The following ZNF521 variants were observed in gnomAD, a reference collection of about 807,000 sequenced individuals.
ZNF521 encodes the protein LYST-interacting protein 3.
ZNF521 carries 14 observed loss-of-function variants against 105.5 expected under a neutral mutation model. That is an observed-to-expected ratio of 0.13 (90% CI 0.09 to 0.21). The LOEUF (loss-of-function observed/expected upper bound fraction) is 0.21. Among genes scored for constraint, ZNF521 ranks in the 10% least tolerant of loss-of-function variants. The probability of loss-of-function intolerance (pLI) is 1.00; values close to 1 mark genes in which losing one functional copy is unlikely to be tolerated. For missense variants in ZNF521, 1,233 were observed against 1,629.7 expected (o/e 0.76, Z 4.19); for synonymous variants, 635 against 606.0 (o/e 1.05, Z -0.70).
At chr18:25,166,356 T>C (rs1397920898) in intron 5 of ZNF521, among the ~76,000 whole-genome samples, 2 of 152,186 alleles carry the variant, frequency 1.3e-5, no homozygotes, top group South Asian at 2.1e-4. Context: ...CTGAGTAAAT[T>C]TGAAATTCAC....
chr18:25,186,429 T>C (rs2035723090), intron 5 of ZNF521, among the ~76,000 whole-genome samples: 1 of 152,168 alleles, frequency 6.6e-6, no homozygotes, highest in African/African-American at 2.4e-5. Context: ...TCCGAGTATC[T>C]AAGCTTTTTC....
rs576965609 is a variant in ZNF521 at position 25,217,198 on chromosome 18, T to A, written c.3573+7147A>T. Among the ~76,000 whole-genome samples the A allele has an allele frequency of 3.6e-4, 55 of 152,298 alleles. 1 individual carries two copies. The highest frequency in any genetic ancestry group is 3.5e-3 in the Admixed American group (54 of 15,294). On this transcript the variant is annotated intron_variant, in intron 4 of 7. Transcript: ENST00000361524. Reference sequence around the variant, plus strand: ...TAATTTACAGGTCTACGCTTCCAACTGCAGCATGAAGAATGGACTGGAAGT... The same window carrying A: ...TAATTTACAGGTCTACGCTTCCAACAGCAGCATGAAGAATGGACTGGAAGT...
chr18:25,140,388 T>C (rs576809504), intron 5 of ZNF521, among the ~76,000 whole-genome samples: 1 of 152,288 alleles, frequency 6.6e-6, no homozygotes, highest in East Asian at 1.9e-4. Context: ...AACTTTTTGA[T>C]TGGGGATGAC....
chr18:25,163,935 A>G (rs8085882), intron 5 of ZNF521, among the ~76,000 whole-genome samples: 73,065 of 151,960 alleles, frequency 0.48, 17,801 homozygotes, highest in South Asian at 0.6. Flanking sequence ...AAGGTCCCAG[A>G]AGGAGTATGT....
At chr18:25,107,739 A>G (rs949063946) in intron 5 of ZNF521, among the ~76,000 whole-genome samples, 3 of 152,168 alleles carry the variant, frequency 2.0e-5, no homozygotes, top group African/African-American at 7.2e-5. Flanking sequence ...CCTAAAACTG[A>G]TCTGCCTGCA....
intron 5 of ZNF521, among the ~76,000 whole-genome samples, chr18:25,147,142 CA>C (rs201704622): frequency 0.012 from 1,778 of 152,090 alleles, 36 homozygotes; most frequent in African/African-American, 0.039. Flanking sequence ...AAGCCAACTG[CA>C]AAGACAATGA....
rs149108331 is a variant in ZNF521, at chr18:25,154,268, G to A, written c.3658+40892C>T. ...TTAAATTAGAAACATGCTGTGGCCCGAAGCTGCTAATCTCTACACCAGTTC... is the reference window on the plus strand; with the variant it reads ...TTAAATTAGAAACATGCTGTGGCCCAAAGCTGCTAATCTCTACACCAGTTC... On this transcript the variant is annotated intron_variant, in intron 5 of 7. Coordinates refer to ENST00000361524, the MANE Select transcript of ZNF521 (RefSeq NM_015461.3). 6.8e-3 allele frequency among the ~76,000 whole-genome samples: 1,039 copies of A among 152,276 alleles called. 13 individuals carry two copies. The highest frequency in any genetic ancestry group is 0.024 in the African/African-American group (980 of 41,550).
intron 4 of ZNF521, among the ~76,000 whole-genome samples, chr18:25,204,321 C>A (rs1349229087): frequency 6.6e-6 from 1 of 152,082 alleles, no homozygotes; most frequent in Admixed American, 6.5e-5. Flanking sequence ...TTATTGAATT[C>A]TCTTTAAATA....
chr18:25,350,813 G>C, intron 2 of ZNF521, 94 bp downstream of exon 2: 1 of 1,401,608 alleles, frequency 7.1e-7, no homozygotes, highest in Non-Finnish European at 9.7e-7. Context: ...ACACTCACGC[G>C]CGCACACGCC....
intron 3 of ZNF521, among the ~76,000 whole-genome samples, chr18:25,288,133 C>T (rs941121830): frequency 6.6e-6 from 1 of 152,106 alleles, no homozygotes; most frequent in Non-Finnish European, 1.5e-5. Context: ...ATAAACTGGG[C>T]GTGATGTGCA....
intron 7 of ZNF521, among the ~76,000 whole-genome samples, chr18:25,089,209 C>G (rs963455990): frequency 1.3e-5 from 2 of 152,160 alleles, no homozygotes; most frequent in African/African-American, 4.8e-5. Context: ...TAAACCTGAC[C>G]TCTAAGTCTA....
intron 4 of ZNF521, among the ~76,000 whole-genome samples, chr18:25,204,604 T>C (rs1649351570): frequency 6.6e-6 from 1 of 152,192 alleles, no homozygotes; most frequent in African/African-American, 2.4e-5. Context: ...CAAATAATCT[T>C]TTTTAAGTTC....
intron 5 of ZNF521, among the ~76,000 whole-genome samples, chr18:25,159,493 G>A (rs982070592): frequency 2.0e-5 from 3 of 147,750 alleles, no homozygotes; most frequent in Non-Finnish European, 4.5e-5. Context: ...TTTCTGCAGA[G>A]GAGAAACGAC....
chr18:25,214,682 C>A lies in ZNF521; in HGVS notation c.3573+9663G>T, dbSNP rs2036250225. Among the ~76,000 whole-genome samples, 4 of 152,014 alleles carry A rather than the reference C, an allele frequency of 2.6e-5. 1 individual carries two copies. In the South Asian group the frequency reaches 8.3e-4, roughly 32 times the overall value. ...TTTAAAATGTATGATTTTAAGATAT[C>A]CTTTTCATTTATAAATTACTTGTAT... On this transcript the variant is annotated intron_variant, in intron 4 of 7. Transcript: ENST00000361524.
At chr18:25,294,425 AAC>A (rs1038379296) in intron 3 of ZNF521, among the ~76,000 whole-genome samples, 3 of 152,168 alleles carry the variant, frequency 2.0e-5, no homozygotes, top group African/African-American at 7.2e-5. Context: ...ACTCTGGAAA[AAC>A]AGGTTTTCGT....
intron 7 of ZNF521, among the ~76,000 whole-genome samples, chr18:25,087,510 G>T (rs1567955930): frequency 6.6e-6 from 1 of 152,166 alleles, no homozygotes; most frequent in African/African-American, 2.4e-5. Context: ...GTAGGAATCA[G>T]TCTCTAAAGA....
chr18:25,145,067 G>A (rs567328433), intron 5 of ZNF521, among the ~76,000 whole-genome samples: 1 of 152,238 alleles, frequency 6.6e-6, no homozygotes, highest in South Asian at 2.1e-4. Context: ...ACCCTTTCAT[G>A]CTGAAAAAAA....
intron 3 of ZNF521, among the ~76,000 whole-genome samples, chr18:25,268,587 A>G (rs1909428203): frequency 6.6e-6 from 1 of 152,258 alleles, no homozygotes; most frequent in Non-Finnish European, 1.5e-5. Flanking sequence ...ATCTCTTGGT[A>G]GAAACCCATA....
intron 2 of ZNF521, among the ~76,000 whole-genome samples, chr18:25,336,984 G>T (rs1349783505): frequency 6.6e-6 from 1 of 152,208 alleles, no homozygotes; most frequent in East Asian, 1.9e-4. Flanking sequence ...TTTACAGATG[G>T]AGAAACTGTA....
Sources: allele counts gnomAD v4.1 joint callset (sites outside exome capture counted in the v4.1 genomes callset), GRCh38; gene constraint gnomAD v4.1.1; transcripts MANE v1.5; gene names NCBI Gene and HGNC (gene_info 2026-07-23, HGNC 2026-07-21).